EVC2: variants seen among roughly 807,000 people sequenced by gnomAD.
The protein encoded by EVC2 is limbin.
EVC2 carries 148 observed loss-of-function variants against 149.3 expected under a neutral mutation model. The ratio of observed to expected loss-of-function variants is 0.99; its 90% CI spans 0.87 to 1.14. The LOEUF is 1.14. EVC2 is among the 50% of genes most tolerant of loss of function. The pLI is 0.00. For synonymous variants in EVC2, 776 were observed against 649.9 expected (o/e 1.19, Z -2.95); for missense variants, 1,854 against 1,627.3 (o/e 1.14, Z -2.40).
chr4:5,595,939 A>C (rs367702230), intron 16 of EVC2, among the ~76,000 whole-genome samples: 11 of 152,148 alleles, frequency 7.2e-5, no homozygotes, highest in Non-Finnish European at 1.3e-4. Flanking sequence ...ATAAAACAGA[A>C]TTTAAACCAA....
chr4:5,567,609 T>A lies in EVC2; in HGVS notation c.3557+835A>T, dbSNP rs894462688. On this transcript the variant is annotated intron_variant, in intron 20 of 21. Transcript: ENST00000344408. This position sits in a 1 kb window ranked among gnomAD's most constrained non-coding sequence, Gnocchi z 4.4. Reference sequence around the variant, plus strand: ...TGCTGGCTGCCCCCCAAACCCGCCTTACTCCACACCCCTTCCTGCCTTTCC... The same window carrying A: ...TGCTGGCTGCCCCCCAAACCCGCCTAACTCCACACCCCTTCCTGCCTTTCC... Among the ~76,000 whole-genome samples the A allele has an allele frequency of 1.4e-4, 21 of 152,042 alleles. No homozygotes were observed. Among genetic ancestry groups the A allele is most frequent in the African/African-American group, 5.1e-4 (21 of 41,386 alleles).
intron 1 of EVC2, among the ~76,000 whole-genome samples, chr4:5,698,944 G>T (rs573814271): frequency 6.6e-6 from 1 of 152,320 alleles, no homozygotes; most frequent in East Asian, 1.9e-4. Flanking sequence ...CAGACACCAC[G>T]GAAACCATAA....
chr4:5,681,788 A>T (rs1720362570), intron 6 of EVC2, among the ~76,000 whole-genome samples: 1 of 152,224 alleles, frequency 6.6e-6, no homozygotes, highest in South Asian at 2.1e-4. Context: ...CTCTGCTGAG[A>T]AGATACAGGA....
At chr4:5,610,691 CCCAGGCTCACCTG>C (rs2108821950) in intron 16 of EVC2, among the ~76,000 whole-genome samples, 2 of 152,280 alleles carry the variant, frequency 1.3e-5, no homozygotes, top group South Asian at 4.1e-4. Flanking sequence ...CTGCTCACCT[CCCAGGCTCACCTG>C]CCGGGCTCAC....
chr4:5,630,953 A>C (rs1212591954), intron 11 of EVC2, among the ~76,000 whole-genome samples: 1 of 152,148 alleles, frequency 6.6e-6, no homozygotes. Context: ...CCAAACAACA[A>C]AGTGCATTCT....
At chr4:5,684,770 T>C (rs940889947) in intron 6 of EVC2, among the ~76,000 whole-genome samples, 19 of 152,120 alleles carry the variant, frequency 1.2e-4, no homozygotes, top group Non-Finnish European at 2.5e-4. Flanking sequence ...GGAGACAGGG[T>C]CTTTACAGAG....
At chr4:5,615,696 G>A (rs1289973704) in intron 15 of EVC2, 152 bp from the exon 16 acceptor site, 8 of 1,152,232 alleles carry the variant, frequency 6.9e-6, no homozygotes, top group Non-Finnish European at 1.0e-5. Flanking sequence ...AGAGAGGTAT[G>A]TTCTTCTGGA....
intron 3 of EVC2, among the ~76,000 whole-genome samples, chr4:5,693,238 G>A (rs937751157): frequency 9.9e-5 from 15 of 152,202 alleles, no homozygotes; most frequent in African/African-American, 3.6e-4. Flanking sequence ...GTACTGTAGT[G>A]GGTTCAGAGA....
intron 16 of EVC2, among the ~76,000 whole-genome samples, chr4:5,605,615 C>G (rs1337616190): frequency 1.3e-5 from 2 of 152,204 alleles, no homozygotes; most frequent in Non-Finnish European, 2.9e-5. Flanking sequence ...TGTGGAATCG[C>G]TCAGATGTTG....
At chr4:5,683,447 G>A (rs1720482949) in intron 6 of EVC2, among the ~76,000 whole-genome samples, 1 of 152,186 alleles carries the variant, frequency 6.6e-6, no homozygotes, top group African/African-American at 2.4e-5. Flanking sequence ...TTCCTAGCAT[G>A]AAGCCAGAAA....
chr4:5,678,182 A>T (rs968325212), intron 7 of EVC2, among the ~76,000 whole-genome samples: 3 of 152,240 alleles, frequency 2.0e-5, no homozygotes, highest in East Asian at 3.9e-4. Context: ...AACTGTCTGT[A>T]CAAACAGTGT....
At chr4:5,609,705 C>T (rs1714675226) in intron 16 of EVC2, among the ~76,000 whole-genome samples, 1 of 152,188 alleles carries the variant, frequency 6.6e-6, no homozygotes, top group African/African-American at 2.4e-5. Context: ...GGCACGCTCA[C>T]CCTGCATTGT....
rs575660350 is a variant in EVC2, at chr4:5,696,439, C to T, written c.283+1154G>A. On this transcript the variant is annotated intron_variant, in intron 2 of 21. Coordinates refer to ENST00000344408, the MANE Select transcript of EVC2 (RefSeq NM_147127.5). This position sits in a 1 kb window ranked among gnomAD's most constrained non-coding sequence, Gnocchi z 4.1. ...ACCAGAGTTAGGCACAGAACCCAGA[C>T]AACCCCACCCAGTGGCCCCAGGGAT... is the stretch of plus-strand genomic sequence containing the variant. 1.3e-5 allele frequency among the ~76,000 whole-genome samples: 2 copies of T among 152,308 alleles called. No homozygotes were observed. Among genetic ancestry groups the T allele is most frequent in the African/African-American group, 4.8e-5 (2 of 41,572 alleles).
At position 5,628,744 on chromosome 4, in the gene EVC2, A is replaced by T. The variant is rs1577179393; in HGVS notation, c.1711-10T>A. 1.9e-6 allele frequency: 1 copy of T among 527,840 alleles called. No individual in the cohort carries two copies. The highest frequency in any genetic ancestry group is 2.4e-6 in the Non-Finnish European group (1 of 417,546). 32.7% of individuals were successfully genotyped at this position (527,840 alleles called of 1,614,324 possible). The stretch of plus-strand genomic sequence containing the variant: ...ACTCTTCTACATTCTCCTGTCAATT[A>T]AAAAAAAAAACAAGAAAATATGCCT... On this transcript the variant is annotated splice_polypyrimidine_tract_variant and intron_variant, in intron 11 of 21. Transcript: ENST00000344408.
chr4:5,681,809 TAA>T (rs1008020368), intron 6 of EVC2, among the ~76,000 whole-genome samples: 4 of 152,082 alleles, frequency 2.6e-5, no homozygotes, highest in Admixed American at 2.6e-4. Context: ...AACAGAAAAA[TAA>T]AGTGTGTCAT....
intron 19 of EVC2, among the ~76,000 whole-genome samples, chr4:5,571,342 A>G (rs2108773838): frequency 7.0e-6 from 1 of 142,668 alleles, no homozygotes; most frequent in African/African-American, 2.6e-5. Flanking sequence ...AAAAAAGACT[A>G]TACATTGATA....
intron 9 of EVC2, among the ~76,000 whole-genome samples, chr4:5,648,011 A>G (rs59092055): frequency 0.11 from 16,275 of 152,176 alleles, 2,510 homozygotes; most frequent in African/African-American, 0.34. Flanking sequence ...ACGTCCCCTA[A>G]AGCTGACGTC....
upstream of EVC2, chr4:5,708,691 G>A (rs1577285478): frequency 4.1e-6 from 2 of 483,190 alleles, no homozygotes; most frequent in South Asian, 8.6e-5. Context: ...GGGCGTGGGA[G>A]GGGGAGAGCG....
At chr4:5,550,779 G>A (rs1345686655) in intron 21 of EVC2, among the ~76,000 whole-genome samples, 2 of 152,216 alleles carry the variant, frequency 1.3e-5, no homozygotes, top group African/African-American at 4.8e-5. Context: ...GGAAGAAAAA[G>A]TGGTTTTGTG....
Sources: allele counts gnomAD v4.1 joint callset (sites outside exome capture counted in the v4.1 genomes callset), GRCh38; gene constraint gnomAD v4.1.1; non-coding constraint Gnocchi (gnomAD v3.1); transcripts MANE v1.5; gene names NCBI Gene and HGNC (gene_info 2026-07-23, HGNC 2026-07-21).